The following GRHL2 variants were observed in gnomAD, a reference collection of about 807,000 sequenced individuals.
GRHL2 encodes the protein grainyhead-like protein 2 homolog.
A neutral mutation model predicts 83.8 loss-of-function variants in GRHL2; 21 were observed. That is an observed-to-expected ratio of 0.25 (90% CI 0.18 to 0.36). GRHL2 has a LOEUF of 0.36. Among genes scored for constraint, GRHL2 ranks in the 10% least tolerant of loss-of-function variants. The pLI is 1.00. For synonymous variants in GRHL2, 280 were observed against 278.9 expected, an observed-to-expected ratio of 1.00 and a Z score of -0.04; for missense variants, 623 against 781.8, an observed-to-expected ratio of 0.80 and a Z score of 2.42.
In GRHL2 at chr8:101,667,912, G is replaced by T. The variant is rs1814109934; in HGVS notation, c.*1209G>T. 1 of 152,802 alleles carries T rather than the reference G, an allele frequency of 6.5e-6. No individual in the cohort carries two copies. The highest frequency in any genetic ancestry group is 2.4e-5 in the African/African-American group (1 of 41,464). 9.5% of individuals were successfully genotyped at this position (152,802 alleles called of 1,614,324 possible). A position where few individuals can be genotyped will look rare whatever the true frequency, so the allele number is the denominator to read the frequency against. On this transcript the variant is annotated 3_prime_UTR_variant, in exon 16 of 16. Coordinates refer to ENST00000646743, the MANE Select transcript of GRHL2 (RefSeq NM_024915.4). ...CCCTTTAAAAGGCCTGCTGCCATGT[G>T]AGAGCTGTGAACAGCTCAGCTCTGA... is the stretch of plus-strand genomic sequence containing the variant.
Position 101,613,212 on chromosome 8 carries a change from C to T in GRHL2, c.1099-6327C>T, listed in dbSNP as rs1450889826. 2.0e-5 allele frequency among the ~76,000 whole-genome samples: 3 copies of T among 150,732 alleles called. 1 individual carries two copies. The highest frequency in any genetic ancestry group is 7.5e-5 in the African/African-American group (3 of 40,248). Reference sequence around the variant, plus strand: ...GTGAGCACTGGAAGAATATGGGGAACTACAGTAGAGTATGTGAGTCCACCA... The same window carrying T: ...GTGAGCACTGGAAGAATATGGGGAATTACAGTAGAGTATGTGAGTCCACCA... On this transcript the variant is annotated intron_variant, in intron 8 of 15. Transcript: ENST00000646743.
intron 1 of GRHL2, among the ~76,000 whole-genome samples, chr8:101,542,535 A>G (rs1804201517): frequency 6.6e-6 from 1 of 150,796 alleles, no homozygotes; most frequent in African/African-American, 2.4e-5. Flanking sequence ...CCTGGACAAC[A>G]AGAGTGAAAC....
chr8:101,562,262 A>C, intron 4 of GRHL2: 1 of 598,530 alleles, frequency 1.7e-6, no homozygotes, highest in Non-Finnish European at 3.1e-6. Flanking sequence ...CGATAGGTTC[A>C]TTTCTACATT....
intron 14 of GRHL2, among the ~76,000 whole-genome samples, chr8:101,653,674 G>A (rs548332400): frequency 1.4e-4 from 22 of 151,994 alleles, no homozygotes; most frequent in Non-Finnish European, 3.2e-4. Flanking sequence ...CACAGGAGGC[G>A]GAGTTCGCAG....
At chr8:101,531,820 G>C (rs532505908) in intron 1 of GRHL2, among the ~76,000 whole-genome samples, 7 of 152,076 alleles carry the variant, frequency 4.6e-5, no homozygotes, top group African/African-American at 7.2e-5. Context: ...GAGAGGGGGT[G>C]GGGGAGAGAG....
intron 1 of GRHL2, 152 bp from the exon 2 acceptor site, chr8:101,543,089 G>A: frequency 1.5e-6 from 1 of 687,954 alleles, no homozygotes; most frequent in East Asian, 2.6e-5. Flanking sequence ...TAAATCAGTA[G>A]TTGTCACTTT....
chr8:101,601,801 T>C (rs564797073), intron 8 of GRHL2, among the ~76,000 whole-genome samples: 35 of 152,342 alleles, frequency 2.3e-4, no homozygotes, highest in African/African-American at 8.4e-4. Context: ...GCATTTAATG[T>C]TTTATTTTAC....
chr8:101,551,614 G>C (rs538940410), intron 2 of GRHL2, among the ~76,000 whole-genome samples: 23 of 146,184 alleles, frequency 1.6e-4, no homozygotes, highest in African/African-American at 5.5e-4. Context: ...TCTGGAGATA[G>C]AGCAAAAAAA....
chr8:101,678,731 A>G, the GRHL2 span, among the ~76,000 whole-genome samples: 7 of 152,028 alleles, frequency 4.6e-5, no homozygotes, highest in South Asian at 6.2e-4. Flanking sequence ...GCAGCTGGAG[A>G]TCTGAGAACG....
At chr8:101,599,446 C>T (rs1450773399) in intron 8 of GRHL2, among the ~76,000 whole-genome samples, 1 of 152,156 alleles carries the variant, frequency 6.6e-6, no homozygotes, top group Non-Finnish European at 1.5e-5. Flanking sequence ...GTGCAGATTC[C>T]CCCAAAGGCG....
intron 8 of GRHL2, among the ~76,000 whole-genome samples, chr8:101,610,890 C>T (rs7838983): frequency 3.3e-5 from 5 of 150,388 alleles, no homozygotes; most frequent in Non-Finnish European, 5.9e-5. Flanking sequence ...CCAACATAAC[C>T]GAGAAGATGG....
downstream of GRHL2, among the ~76,000 whole-genome samples, chr8:101,674,598 G>A (rs138202195): frequency 0.01 from 1,566 of 152,286 alleles, 32 homozygotes; most frequent in African/African-American, 0.034. Flanking sequence ...TCCAGGACCA[G>A]ATGGATTCAT....
chr8:101,611,660 C>T (rs569272245), intron 8 of GRHL2, among the ~76,000 whole-genome samples: 1 of 150,988 alleles, frequency 6.6e-6, no homozygotes, highest in South Asian at 2.1e-4. Flanking sequence ...AGTCCTCATG[C>T]CCCTGTCCTC....
At chr8:101,664,085 T>C (rs770463099) in intron 14 of GRHL2, among the ~76,000 whole-genome samples, 1 of 152,232 alleles carries the variant, frequency 6.6e-6, no homozygotes, top group Non-Finnish European at 1.5e-5. Flanking sequence ...CACATGTAAA[T>C]CTTTGATCTG....
downstream of GRHL2, among the ~76,000 whole-genome samples, chr8:101,672,917 G>T (rs1366317913): frequency 7.9e-5 from 12 of 151,064 alleles, no homozygotes; most frequent in Admixed American, 7.9e-4. Context: ...TTAAAGAAAA[G>T]AATTTTCAAC....
chr8:101,652,414 TGTGTGTGTGTGGTGTGTGTGTCTG>T (rs1813664225), intron 14 of GRHL2, among the ~76,000 whole-genome samples: 2 of 68,554 alleles, frequency 2.9e-5, no homozygotes, highest in African/African-American at 9.9e-5. Context: ...GTGTGTGTGG[TGTGTGTGTGTGGTGTGTGTGTCTG>T]GTGTGTGTGG....
At chr8:101,511,914 C>A (rs757508044) in intron 1 of GRHL2, among the ~76,000 whole-genome samples, 2 of 152,136 alleles carry the variant, frequency 1.3e-5, no homozygotes, top group Non-Finnish European at 2.9e-5. Flanking sequence ...AACTATTCTG[C>A]CAATGCCATT....
At chr8:101,511,911 C>G (rs534285) in intron 1 of GRHL2, among the ~76,000 whole-genome samples, 149,815 of 152,306 alleles carry the variant, frequency 0.98, 73,764 homozygotes, top group Non-Finnish European at 1. Flanking sequence ...CCAAACTATT[C>G]TGCCAATGCC....
chr8:101,515,473 C>G (rs1484370712), intron 1 of GRHL2, among the ~76,000 whole-genome samples: 1 of 152,182 alleles, frequency 6.6e-6, no homozygotes, highest in Admixed American at 6.5e-5. Flanking sequence ...GACCAGGAAG[C>G]CTATGTCTCT....
Sources: allele counts gnomAD v4.1 joint callset (sites outside exome capture counted in the v4.1 genomes callset), GRCh38; gene constraint gnomAD v4.1.1; transcripts MANE v1.5; gene names NCBI Gene and HGNC (gene_info 2026-07-23, HGNC 2026-07-21).